The following RBM17 variants were observed in gnomAD, a reference collection of about 807,000 sequenced individuals.
RBM17 encodes splicing factor 45.
RBM17 carries 7 observed loss-of-function variants against 53.2 expected under a neutral mutation model. That is an observed-to-expected ratio of 0.13 (90% CI 0.07 to 0.25). The LOEUF (loss-of-function observed/expected upper bound fraction) is 0.25. Ranked by LOEUF, RBM17 falls within the 10% of genes least tolerant of loss-of-function variation. RBM17 has a pLI of 1.00. For synonymous variants in RBM17, 167 were observed against 178.1 expected (o/e 0.94, Z 0.50); for missense variants, 257 against 496.7 (o/e 0.52, Z 4.59).
intron 6 of RBM17, among the ~76,000 whole-genome samples, chr10:6,109,158 A>G (rs778627844): frequency 5.2e-4 from 79 of 152,074 alleles, no homozygotes; most frequent in South Asian, 1.7e-3. Context: ...GTTCCATTTC[A>G]CTGCAGGTGG....
At chr10:6,111,173 G>A (rs748990110) in intron 7 of RBM17, among the ~76,000 whole-genome samples, 2 of 152,170 alleles carry the variant, frequency 1.3e-5, no homozygotes, top group African/African-American at 2.4e-5. Context: ...CAGTTGAAGC[G>A]GGATTTTGTG....
chr10:6,097,650 G>A lies in RBM17; in HGVS notation c.123+462G>A, dbSNP rs142280704. 4.6e-4 allele frequency among the ~76,000 whole-genome samples: 70 copies of A among 152,306 alleles called. 1 individual carries two copies. In the East Asian group the frequency reaches 0.012, roughly 26 times the overall value. Reference sequence around the variant, plus strand: ...CGCGCCACTGCGCTCCAGCCTGAGCGACAGAGCAAGACTCCGATTCAAAAA... The same window carrying A: ...CGCGCCACTGCGCTCCAGCCTGAGCAACAGAGCAAGACTCCGATTCAAAAA... On this transcript the variant is annotated intron_variant, in intron 2 of 11. Coordinates refer to ENST00000379888, the MANE Select transcript of RBM17 (RefSeq NM_032905.5).
intron 10 of RBM17, chr10:6,114,830 G>A (rs564397673): frequency 5.8e-6 from 1 of 171,926 alleles, no homozygotes; most frequent in South Asian, 1.6e-4. Context: ...TGGAATTACA[G>A]AGGGCTAGGA....
At chr10:6,099,189 A>G (rs1395069130) in intron 2 of RBM17, among the ~76,000 whole-genome samples, 1 of 151,996 alleles carries the variant, frequency 6.6e-6, no homozygotes, top group Non-Finnish European at 1.5e-5. Context: ...CCGGCCTCAT[A>G]TAGATTTTTA....
chr10:6,108,571 C>A, intron 5 of RBM17, 115 bp from the exon 6 acceptor site: 1 of 684,904 alleles, frequency 1.5e-6, no homozygotes, highest in Non-Finnish European at 2.5e-6. Context: ...AGTAGCAGGT[C>A]CTCCTTTTTT....
In RBM17 at chr10:6,112,825, C is replaced by T. The variant is rs1239476151; in HGVS notation, c.856+464C>T. 1.6e-5 allele frequency: 3 copies of T among 192,822 alleles called. No individual in the cohort carries two copies. The highest frequency in any genetic ancestry group is 2.1e-3 in the Middle Eastern group (1 of 466). 11.9% of individuals were successfully genotyped at this position (192,822 alleles called of 1,614,324 possible). A position where few individuals can be genotyped will look rare whatever the true frequency, so the allele number is the denominator to read the frequency against. On this transcript the variant is annotated intron_variant, in intron 8 of 11. Transcript: ENST00000379888. The surrounding 1 kb of genome is among the most constrained non-coding windows in gnomAD (Gnocchi z 4.4). ...ATTCTCTTACAGATTGTTTGCTTTG[C>T]GAGATCTGATGTTATGTTGCAGTCT...
chr10:6,109,952 A>G lies in RBM17; in HGVS notation c.563-34A>G, dbSNP rs375432022. The G allele has an allele frequency of 1.1e-5, 17 of 1,568,430 alleles. No homozygotes were observed. In the Admixed American group the frequency reaches 1.3e-4, roughly 12 times the overall value. The stretch of plus-strand genomic sequence containing the variant: ...GAGGTTTCAGAGTGTTTTCTATAGT[A>G]TTTTGGTGAGCCTACTTTATTTTTC... On this transcript the variant is annotated intron_variant, in intron 6 of 11. Transcript: ENST00000379888.
At chr10:6,099,179 C>T (rs1044250285) in intron 2 of RBM17, among the ~76,000 whole-genome samples, 2 of 151,910 alleles carry the variant, frequency 1.3e-5, no homozygotes, top group Admixed American at 6.6e-5. Flanking sequence ...GCCACCGTGC[C>T]CGGCCTCATA....
intron 7 of RBM17, 93 bp downstream of exon 7, chr10:6,110,220 C>A: frequency 1.7e-6 from 2 of 1,179,444 alleles, no homozygotes; most frequent in Non-Finnish European, 2.3e-6. Context: ...AAACTGAGGA[C>A]ATTCAGGACC....
chr10:6,110,723 A>G (rs1840824608), intron 7 of RBM17, among the ~76,000 whole-genome samples: 1 of 152,242 alleles, frequency 6.6e-6, no homozygotes, highest in Non-Finnish European at 1.5e-5. Flanking sequence ...CCCATGAAGC[A>G]GTATCACATG....
At position 6,098,042 on chromosome 10, in the gene RBM17, A is replaced by G. The variant is rs543141283; in HGVS notation, c.123+854A>G. 1.1e-4 allele frequency among the ~76,000 whole-genome samples: 3 copies of G among 26,324 alleles called. No homozygotes were observed. In the South Asian group the frequency reaches 6.9e-3, roughly 61 times the overall value. 17.3% of individuals were successfully genotyped at this position (26,324 alleles called of 152,430 possible). A position where few individuals can be genotyped will look rare whatever the true frequency, so the allele number is the denominator to read the frequency against. On this transcript the variant is annotated intron_variant, in intron 2 of 11. Coordinates refer to ENST00000379888, the MANE Select transcript of RBM17 (RefSeq NM_032905.5). ...GTTGTGTACATGTTGGGTATTGGCA[A>G]TGTCCTTGAAATAACATGTAAAACA...
At position 6,110,095 on chromosome 10, in the gene RBM17, C is replaced by A; in HGVS notation, c.672C>A (p.Thr224=). The stretch of plus-strand genomic sequence containing the variant: ...AACAAGACAGACCGAGATCTCCAAC[C>A]GGACCTAGCAACTCCTTCCTCGCTA... The part of the protein sequence containing the change: ...YEEQDRPRSP[T]GPSNSFLANM... The change falls in exon 7 of 12, where the codon ACC becomes ACA. Residue 224 remains threonine (T), a synonymous_variant. Coordinates refer to ENST00000379888, the MANE Select transcript of RBM17 (RefSeq NM_032905.5). 6.2e-7 allele frequency: 1 copy of A among 1,610,700 alleles called. No homozygotes were observed. Among genetic ancestry groups the A allele is most frequent in the Non-Finnish European group, 8.5e-7 (1 of 1,178,206 alleles).
At chr10:6,098,464 T>C (rs1227772425) in intron 2 of RBM17, among the ~76,000 whole-genome samples, 5 of 151,914 alleles carry the variant, frequency 3.3e-5, no homozygotes, top group Non-Finnish European at 4.4e-5. Context: ...TACCCATGAG[T>C]TGATAATTGT....
rs147511800 is a variant in RBM17 at position 6,102,513 on chromosome 10, A to G, written c.240+1126A>G. On this transcript the variant is annotated intron_variant, in intron 3 of 11. Coordinates refer to ENST00000379888, the MANE Select transcript of RBM17 (RefSeq NM_032905.5). ...GGTGTTTTTTTGCTGATTCCTAGTC[A>G]TTGAGCATTTTCCCCCATAAATTTG... is the stretch of plus-strand genomic sequence containing the variant. Among the ~76,000 whole-genome samples, 100 of 152,246 alleles carry G rather than the reference A, an allele frequency of 6.6e-4. 1 individual carries two copies. Among genetic ancestry groups the G allele is most frequent in the African/African-American group, 2.3e-3 (95 of 41,536 alleles).
At chr10:6,113,872 AAT>A (rs1415631511) in intron 9 of RBM17, 175 bp from the exon 10 acceptor site, 2 of 596,956 alleles carry the variant, frequency 3.4e-6, no homozygotes, top group Admixed American at 3.1e-5. Context: ...TTACAGGCTT[AAT>A]ATATGTTTTA....
Position 6,098,556 on chromosome 10 carries a change from G to GTTTTTTTTTTTTTTT in RBM17, c.123+1374_123+1375insTTTTTTTTTTTTTTT, listed in dbSNP as rs1221504658. 2.8e-4 allele frequency among the ~76,000 whole-genome samples: 25 copies of GTTTTTTTTTTTTTTT among 87,970 alleles called. 6 individuals are homozygous for GTTTTTTTTTTTTTTT. Among genetic ancestry groups the GTTTTTTTTTTTTTTT allele is most frequent in the Non-Finnish European group, 3.2e-4 (14 of 44,342 alleles). 57.7% of individuals were successfully genotyped at this position (87,970 alleles called of 152,430 possible). ...GTTTGAAAATTTCCGTAATACACAG[G>GTTTTTTTTTTTTTTT]TTTTTTGTTTTTTTTTTTTTTTTTT... On this transcript the variant is annotated intron_variant, in intron 2 of 11. Transcript: ENST00000379888.
chr10:6,098,584 T>G (rs940090246), intron 2 of RBM17, among the ~76,000 whole-genome samples: 34 of 108,886 alleles, frequency 3.1e-4, no homozygotes, highest in Admixed American at 1.3e-3. Flanking sequence ...TTTTTTTTTT[T>G]TTTTTTTTTG....
chr10:6,105,534 T>C, intron 4 of RBM17, among the ~76,000 whole-genome samples: 1 of 152,198 alleles, frequency 6.6e-6, no homozygotes, highest in East Asian at 1.9e-4. Context: ...ATTCCAAAAT[T>C]TGAAACACTT....
chr10:6,098,555 G>GGGTTTTT lies in RBM17; in HGVS notation c.123+1368_123+1369insGTTTTTG, dbSNP rs1564566173. Among the ~76,000 whole-genome samples the GGGTTTTT allele has an allele frequency of 7.1e-3, 499 of 70,064 alleles. 5 individuals carry two copies. The highest frequency in any genetic ancestry group is 0.022 in the African/African-American group (445 of 20,098). 46.0% of individuals were successfully genotyped at this position (70,064 alleles called of 152,430 possible). On this transcript the variant is annotated intron_variant, in intron 2 of 11. Coordinates refer to ENST00000379888, the MANE Select transcript of RBM17 (RefSeq NM_032905.5). Reference sequence around the variant, plus strand: ...TGTTTGAAAATTTCCGTAATACACAGGTTTTTTGTTTTTTTTTTTTTTTTT... The same window carrying GGGTTTTT: ...TGTTTGAAAATTTCCGTAATACACAGGGTTTTTGTTTTTTGTTTTTTTTTTTTTTTTT...
Sources: allele counts gnomAD v4.1 joint callset (sites outside exome capture counted in the v4.1 genomes callset), GRCh38; gene constraint gnomAD v4.1.1; non-coding constraint Gnocchi (gnomAD v3.1); transcripts MANE v1.5; gene names NCBI Gene and HGNC (gene_info 2026-07-23, HGNC 2026-07-21).